Variants in STMN2 observed in about 807,000 individuals in gnomAD.
The protein encoded by STMN2 is stathmin 2, also known as stathmin-2.
In STMN2, 2 loss-of-function variants were observed where a neutral mutation model predicts 24.1. The observed-to-expected ratio is 0.08, with a 90% CI of 0.03 to 0.26. The LOEUF (loss-of-function observed/expected upper bound fraction) is 0.26. Ranked by LOEUF, STMN2 falls within the 10% of genes least tolerant of loss-of-function variation. The pLI is 1.00. For synonymous variants in STMN2, 83 were observed against 77.5 expected (o/e 1.07, Z -0.37); for missense variants, 114 against 213.6 (o/e 0.53, Z 2.91).
rs1393158103 is a variant in STMN2 at position 79,665,923 on chromosome 8, C to T, written c.*1049C>T. ...TCCTGCCTACTAACAACACCAACAA[C>T]AAAACACTCCATCTGTGAAGCTGAC... On this transcript the variant is annotated 3_prime_UTR_variant, in exon 5 of 5. Transcript: ENST00000220876. 6.6e-6 allele frequency: 1 copy of T among 152,212 alleles called. No individual in the cohort carries two copies. The highest frequency in any genetic ancestry group is 2.4e-5 in the African/African-American group (1 of 41,428). The allele number at this position is 152,212 out of a possible 1,614,324, so 9.4% of individuals were successfully genotyped here.
chr8:79,639,687 T>G (rs1810047672), intron 2 of STMN2, among the ~76,000 whole-genome samples: 2 of 152,180 alleles, frequency 1.3e-5, no homozygotes, highest in Admixed American at 6.5e-5. Flanking sequence ...GGCTAACCAT[T>G]CTTCAGTTCT....
intron 1 of STMN2, chr8:79,613,439 T>C (rs947611482): frequency 1.0e-6 from 1 of 985,456 alleles, no homozygotes; most frequent in Non-Finnish European, 1.2e-6. Flanking sequence ...TTCTGCGCAG[T>C]GTCCTGAGCT....
chr8:79,624,062 T>C (rs533486397), intron 1 of STMN2, among the ~76,000 whole-genome samples: 6 of 152,224 alleles, frequency 3.9e-5, no homozygotes, highest in Non-Finnish European at 8.8e-5. Flanking sequence ...CAGATTCCAT[T>C]TGTTGAAATT....
intron 3 of STMN2, among the ~76,000 whole-genome samples, chr8:79,645,564 T>G (rs1810200061): frequency 1.3e-5 from 2 of 152,194 alleles, no homozygotes; most frequent in Non-Finnish European, 2.9e-5. Flanking sequence ...TTACTTTGTT[T>G]TTTCATATAT....
Position 79,611,800 on chromosome 8 carries a change from G to A in STMN2, c.19+586G>A, listed in dbSNP as rs1809232219. The A allele has an allele frequency of 4.6e-6, 4 of 867,950 alleles. No homozygotes were observed. In the South Asian group the frequency reaches 2.1e-4, roughly 46 times the overall value. 53.8% of individuals were successfully genotyped at this position (867,950 alleles called of 1,614,324 possible). A position where few individuals can be genotyped will look rare whatever the true frequency, so the allele number is the denominator to read the frequency against. On this transcript the variant is annotated intron_variant, in intron 1 of 4. Coordinates refer to ENST00000220876, the MANE Select transcript of STMN2 (RefSeq NM_007029.4). ...GGGTGCGGTGCAGGGAGGTAAGACG[G>A]CGGGGGACAGGGTGGGGGTAGGACC...
chr8:79,643,911 A>G lies in STMN2; in HGVS notation c.288+2361A>G, dbSNP rs1208611877. Among the ~76,000 whole-genome samples the G allele has an allele frequency of 2.0e-5, 3 of 152,184 alleles. No individual in the cohort carries two copies. The East Asian group carries it at 5.8e-4, about 29-fold the overall frequency. On this transcript the variant is annotated intron_variant, in intron 3 of 4. Transcript: ENST00000220876. Reference sequence around the variant, plus strand: ...TTTGTTAAACATTTTGTAATGCAAAAATAACCATATAGATTATGCCCTAGT... The same window carrying G: ...TTTGTTAAACATTTTGTAATGCAAAGATAACCATATAGATTATGCCCTAGT...
chr8:79,663,601 G>A lies in STMN2; in HGVS notation c.481-1214G>A, dbSNP rs1262574596. On this transcript the variant is annotated intron_variant, in intron 4 of 4. Transcript: ENST00000220876. ...ATAGCTGGTCAAGTTTATTTCTTCT[G>A]AACTAAAAGAATCTATAGAGTCTCA... is the stretch of plus-strand genomic sequence containing the variant. 63 of 1,528,820 alleles carry A rather than the reference G, an allele frequency of 4.1e-5. 1 individual carries two copies. The East Asian group carries it at 1.5e-3, about 37-fold the overall frequency. The allele number at this position is 1,528,820 out of a possible 1,614,324, so 94.7% of individuals were successfully genotyped here.
chr8:79,633,019 T>A (rs546835748), intron 1 of STMN2, among the ~76,000 whole-genome samples: 1 of 151,932 alleles, frequency 6.6e-6, no homozygotes, highest in Non-Finnish European at 1.5e-5. Context: ...CTTTTTTTTC[T>A]CTTTGCACTA....
chr8:79,624,257 A>G (rs953537381), intron 1 of STMN2, among the ~76,000 whole-genome samples: 3 of 152,030 alleles, frequency 2.0e-5, no homozygotes, highest in Non-Finnish European at 4.4e-5. Flanking sequence ...GATCGAGACC[A>G]TCCTGGCTAA....
rs183824883 is a variant in STMN2 at position 79,612,584 on chromosome 8, C to A, written c.19+1370C>A. Among the ~76,000 whole-genome samples the A allele has an allele frequency of 3.3e-5, 5 of 152,308 alleles. No individual in the cohort carries two copies. The East Asian group carries it at 9.7e-4, about 29-fold the overall frequency. On this transcript the variant is annotated intron_variant, in intron 1 of 4. Coordinates refer to ENST00000220876, the MANE Select transcript of STMN2 (RefSeq NM_007029.4). ...GGATGACCGGAAAAGATTCTGGATT[C>A]AGGGCCTTCATCCGCAATTGGTCTT...
chr8:79,653,291 C>A (rs544139984), intron 3 of STMN2, among the ~76,000 whole-genome samples: 1 of 152,256 alleles, frequency 6.6e-6, no homozygotes, highest in South Asian at 2.1e-4. Flanking sequence ...ACATGAGAAT[C>A]GCTTGAACCT....
At chr8:79,628,762 A>T (rs1279746259) in intron 1 of STMN2, among the ~76,000 whole-genome samples, 3 of 152,024 alleles carry the variant, frequency 2.0e-5, no homozygotes, top group Non-Finnish European at 2.9e-5. Flanking sequence ...CTTTCATTTC[A>T]AAATATCCGG....
intron 4 of STMN2, among the ~76,000 whole-genome samples, chr8:79,657,596 A>G (rs1478948681): frequency 2.0e-5 from 3 of 152,190 alleles, no homozygotes; most frequent in Non-Finnish European, 4.4e-5. Context: ...CCCACGTCAC[A>G]TAATGCAGCC....
chr8:79,624,475 A>AG (rs1287796962), intron 1 of STMN2, among the ~76,000 whole-genome samples: 33 of 140,176 alleles, frequency 2.4e-4, no homozygotes, highest in African/African-American at 8.5e-4. Flanking sequence ...AAAAAAAAAA[A>AG]AAAGAAAGAA....
intron 1 of STMN2, among the ~76,000 whole-genome samples, chr8:79,618,230 G>A (rs181634841): frequency 1.6e-4 from 24 of 152,276 alleles, no homozygotes; most frequent in Admixed American, 2.6e-4. Context: ...GCTTACCTGG[G>A]GCTTATTCAA....
intron 3 of STMN2, among the ~76,000 whole-genome samples, chr8:79,647,574 C>A (rs904183049): frequency 5.9e-5 from 9 of 152,234 alleles, no homozygotes; most frequent in Admixed American, 5.2e-4. Context: ...ATGTCCCCAC[C>A]TCCCCATTCC....
intron 4 of STMN2, chr8:79,663,834 G>GCCA (rs1238351004): frequency 5.2e-6 from 1 of 192,084 alleles, no homozygotes; most frequent in Non-Finnish European, 9.5e-6. Flanking sequence ...CTGATGTATA[G>GCCA]CCACATACTA....
At chr8:79,612,036 G>A (rs1809242857) in intron 1 of STMN2, among the ~76,000 whole-genome samples, 1 of 152,110 alleles carries the variant, frequency 6.6e-6, no homozygotes, top group Non-Finnish European at 1.5e-5. Flanking sequence ...GCACAATGCG[G>A]ACAGCCCCAC....
intron 1 of STMN2, among the ~76,000 whole-genome samples, chr8:79,624,579 T>C (rs1162170764): frequency 2.0e-5 from 3 of 152,004 alleles, no homozygotes; most frequent in Admixed American, 6.5e-5. Flanking sequence ...CTTAAACTCA[T>C]TGCAAAAAGA....
Sources: gnomAD v4.1 joint callset for allele counts (sites outside exome capture counted in the v4.1 genomes callset) on GRCh38, gnomAD v4.1.1 for gene constraint, MANE v1.5 for transcripts, NCBI Gene and HGNC (gene_info 2026-07-23, HGNC 2026-07-21) for gene names.